Variants in TMEM117 observed in about 807,000 individuals in gnomAD.
TMEM117 encodes the protein transmembrane protein 117.
A neutral mutation model predicts 52.4 loss-of-function variants in TMEM117; 27 were observed. The observed-to-expected ratio is 0.51, with a 90% CI of 0.38 to 0.71. The LOEUF is 0.71. TMEM117 is among the 30% of genes least tolerant of loss of function. The pLI is 0.00. For missense variants in TMEM117, 556 were observed against 630.5 expected (o/e 0.88, Z 1.26); for synonymous variants, 215 against 206.3 (o/e 1.04, Z -0.36).
chr12:44,001,113 A>G (rs749445524), intron 3 of TMEM117, among the ~76,000 whole-genome samples: 18 of 152,340 alleles, frequency 1.2e-4, no homozygotes, highest in Middle Eastern at 3.4e-3. Context: ...TTAGGAAGAC[A>G]GGCATTGGAA....
chr12:44,314,826 A>G (rs150265390), intron 6 of TMEM117, among the ~76,000 whole-genome samples: 1 of 152,322 alleles, frequency 6.6e-6, no homozygotes, highest in African/African-American at 2.4e-5. Context: ...TAGTTTCAAT[A>G]GAATTAGTAC....
intron 6 of TMEM117, among the ~76,000 whole-genome samples, chr12:44,366,326 AAG>A (rs1355121021): frequency 6.6e-6 from 1 of 152,084 alleles, no homozygotes; most frequent in Non-Finnish European, 1.5e-5. Context: ...GTTTTCCAAA[AAG>A]ACCCTGAGGA....
intron 3 of TMEM117, among the ~76,000 whole-genome samples, chr12:44,095,491 A>G (rs1703121763): frequency 6.6e-6 from 1 of 152,122 alleles, no homozygotes; most frequent in Non-Finnish European, 1.5e-5. Flanking sequence ...AAAGTGGGGA[A>G]AGAAATGGAA....
At chr12:44,379,405 C>G (rs1230576884) in intron 7 of TMEM117, among the ~76,000 whole-genome samples, 1 of 152,066 alleles carries the variant, frequency 6.6e-6, no homozygotes, top group Non-Finnish European at 1.5e-5. Flanking sequence ...TGAAGGGTTC[C>G]ACCATAAACA....
intron 3 of TMEM117, among the ~76,000 whole-genome samples, chr12:44,138,831 T>C (rs563550481): frequency 2.0e-4 from 30 of 152,324 alleles, no homozygotes; most frequent in Non-Finnish European, 4.1e-4. Flanking sequence ...TAAAATGTGG[T>C]TATTTGGATA....
chr12:43,968,948 A>G (rs1232034561), intron 3 of TMEM117, among the ~76,000 whole-genome samples: 1 of 152,200 alleles, frequency 6.6e-6, no homozygotes, highest in Non-Finnish European at 1.5e-5. Flanking sequence ...ATTTATGTGC[A>G]TGTCCTTTTA....
intron 3 of TMEM117, among the ~76,000 whole-genome samples, chr12:44,135,813 A>T (rs1447288877): frequency 1.3e-5 from 2 of 152,150 alleles, no homozygotes; most frequent in African/African-American, 2.4e-5. Flanking sequence ...TATTGTATTT[A>T]TGTCCCATTG....
intron 2 of TMEM117, among the ~76,000 whole-genome samples, chr12:43,879,984 A>T (rs769472776): frequency 1.3e-5 from 2 of 152,248 alleles, no homozygotes; most frequent in Non-Finnish European, 2.9e-5. Flanking sequence ...ACCAAGACAG[A>T]AGAATAATTC....
intron 4 of TMEM117, among the ~76,000 whole-genome samples, chr12:44,170,871 A>G (rs1245433219): frequency 6.6e-6 from 1 of 152,216 alleles, no homozygotes; most frequent in African/African-American, 2.4e-5. Context: ...TCACAATTCA[A>G]TTATGCAATC....
chr12:43,865,611 T>C (rs1360674841), intron 2 of TMEM117, among the ~76,000 whole-genome samples: 1 of 151,502 alleles, frequency 6.6e-6, no homozygotes, highest in Non-Finnish European at 1.5e-5. Flanking sequence ...GCAGGAGAGA[T>C]GCTTGAACCT....
intron 5 of TMEM117, among the ~76,000 whole-genome samples, chr12:44,231,004 A>G (rs1264092306): frequency 6.6e-6 from 1 of 151,980 alleles, no homozygotes; most frequent in Non-Finnish European, 1.5e-5. Context: ...CTATATAATG[A>G]GTAATTACAA....
chr12:44,072,867 G>A (rs1239124023), intron 3 of TMEM117, among the ~76,000 whole-genome samples: 1 of 152,072 alleles, frequency 6.6e-6, no homozygotes, highest in East Asian at 1.9e-4. Context: ...CGAGGTGGGC[G>A]GATCATGAAG....
At chr12:43,846,334 A>T (rs1314319405) in intron 2 of TMEM117, among the ~76,000 whole-genome samples, 1 of 125,064 alleles carries the variant, frequency 8.0e-6, no homozygotes, top group African/African-American at 5.4e-5. Flanking sequence ...GACATCTGTT[A>T]TGATGCGTTT....
chr12:44,202,500 G>C (rs563919675), intron 4 of TMEM117, among the ~76,000 whole-genome samples: 15 of 152,262 alleles, frequency 9.9e-5, no homozygotes, highest in Admixed American at 9.2e-4. Flanking sequence ...AAGCCTACTT[G>C]ATTGTGGCGG....
At chr12:44,250,946 T>G (rs565072281) in intron 5 of TMEM117, among the ~76,000 whole-genome samples, 2 of 152,272 alleles carry the variant, frequency 1.3e-5, no homozygotes, top group Admixed American at 1.3e-4. Context: ...ATGGCACATG[T>G]ATACCTATGT....
chr12:44,292,057 T>C (rs1950711988), intron 5 of TMEM117, among the ~76,000 whole-genome samples: 1 of 152,040 alleles, frequency 6.6e-6, no homozygotes, highest in Non-Finnish European at 1.5e-5. Flanking sequence ...TTGAGAAGGA[T>C]TGATACTAAT....
chr12:44,268,752 A>G (rs933363611), intron 5 of TMEM117, among the ~76,000 whole-genome samples: 8 of 152,158 alleles, frequency 5.3e-5, no homozygotes, highest in Non-Finnish European at 1.2e-4. Flanking sequence ...AAATCTAATA[A>G]GTATGAGCAC....
chr12:43,845,365 G>A (rs2137357754), intron 2 of TMEM117, among the ~76,000 whole-genome samples: 1 of 151,008 alleles, frequency 6.6e-6, no homozygotes, highest in South Asian at 2.1e-4. Context: ...AGAGGCTGAG[G>A]TGGGAGAATC....
intron 3 of TMEM117, among the ~76,000 whole-genome samples, chr12:44,000,863 G>T (rs1391814286): frequency 6.6e-6 from 1 of 152,196 alleles, no homozygotes; most frequent in Non-Finnish European, 1.5e-5. Context: ...CACAGCACTA[G>T]AAAAGAGAAA....
Sources: allele counts gnomAD v4.1 joint callset (sites outside exome capture counted in the v4.1 genomes callset), GRCh38; gene constraint gnomAD v4.1.1; transcripts MANE v1.5; gene names NCBI Gene and HGNC (gene_info 2026-07-23, HGNC 2026-07-21).